Variants in RDX observed in about 807,000 individuals in gnomAD.
RDX encodes the protein radixin, also known as deafness, autosomal recessive 24.
In RDX, 32 loss-of-function variants were observed where a neutral mutation model predicts 83.7. The observed-to-expected ratio is 0.38, with a 90% confidence interval of 0.29 to 0.51. The LOEUF (loss-of-function observed/expected upper bound fraction) is 0.51. Among genes scored for constraint, RDX ranks in the 20% least tolerant of loss-of-function variants. The pLI, the probability that RDX is intolerant of heterozygous loss-of-function variation, is 0.87. For synonymous variants in RDX, 229 were observed against 222.7 expected, an observed-to-expected ratio of 1.03 and a Z score of -0.25; for missense variants, 600 against 689.9, an observed-to-expected ratio of 0.87 and a Z score of 1.46.
chr11:110,220,812 A>G (rs1864218920), intron 14 of RDX, among the ~76,000 whole-genome samples: 1 of 150,174 alleles, frequency 6.7e-6, no homozygotes, highest in Non-Finnish European at 1.5e-5. Context: ...AGATTCTCTT[A>G]ATGCCTGTCA....
chr11:110,252,299 A>C (rs550828625), intron 9 of RDX, among the ~76,000 whole-genome samples: 1 of 152,340 alleles, frequency 6.6e-6, no homozygotes, highest in South Asian at 2.1e-4. Flanking sequence ...AGTAACTAAA[A>C]TATAGCACCA....
downstream of RDX, among the ~76,000 whole-genome samples, chr11:110,224,687 C>T (rs371659772): frequency 2.0e-5 from 3 of 152,170 alleles, 1 homozygote; most frequent in African/African-American, 7.2e-5. Context: ...CAAAAGAGGT[C>T]GGCTGGAAAA....
At chr11:110,182,182 C>CCGG (rs1289506518) in intron 15 of RDX, among the ~76,000 whole-genome samples, 1 of 152,234 alleles carries the variant, frequency 6.6e-6, no homozygotes, top group African/African-American at 2.4e-5. Context: ...AGATTCCTTG[C>CCGG]CGCAGTGCTG....
chr11:110,229,688 TCA>T lies in RDX; in HGVS notation c.*2179_*2180del, dbSNP rs1864550200. On this transcript the variant is annotated 3_prime_UTR_variant, in exon 14 of 14. Transcript: ENST00000645495. ...GCAAATGGTTCTTGTTTAGAAAAAT[TCA>T]CACAGCCTTAAAAATGGATTAAATC... is the stretch of plus-strand genomic sequence containing the variant. The T allele has an allele frequency of 7.9e-5, 12 of 152,502 alleles. No individual in the cohort carries two copies. 9.4% of individuals were successfully genotyped at this position (152,502 alleles called of 1,614,324 possible).
At chr11:110,183,150 A>G (rs1053891332) in intron 15 of RDX, among the ~76,000 whole-genome samples, 2 of 152,154 alleles carry the variant, frequency 1.3e-5, no homozygotes, top group African/African-American at 4.8e-5. Flanking sequence ...ACAGCCACTG[A>G]TGAAGAAATA....
intron 15 of RDX, among the ~76,000 whole-genome samples, chr11:110,176,942 G>T (rs143852991): frequency 8.5e-5 from 13 of 152,254 alleles, no homozygotes; most frequent in Middle Eastern, 3.4e-3. Flanking sequence ...TCGCACAGTC[G>T]GCTGGCCTGC....
At chr11:110,238,626 G>C (rs1864955836) in intron 10 of RDX, among the ~76,000 whole-genome samples, 1 of 152,130 alleles carries the variant, frequency 6.6e-6, no homozygotes, top group Non-Finnish European at 1.5e-5. Flanking sequence ...TTGCAGTTAA[G>C]ACTTGGAAGG....
At chr11:110,275,678 G>A (rs572831706) in intron 2 of RDX, among the ~76,000 whole-genome samples, 25 of 151,378 alleles carry the variant, frequency 1.7e-4, no homozygotes, top group Non-Finnish European at 2.5e-4. Flanking sequence ...ATTGTGGTTC[G>A]TCATTTTACT....
intron 2 of RDX, among the ~76,000 whole-genome samples, chr11:110,276,430 G>A (rs1184729646): frequency 2.0e-5 from 3 of 152,066 alleles, no homozygotes; most frequent in Non-Finnish European, 4.4e-5. Flanking sequence ...GGTAGGGCAA[G>A]TCTCCATTAT....
chr11:110,256,508 C>T (rs535591827), intron 7 of RDX, among the ~76,000 whole-genome samples: 2 of 152,236 alleles, frequency 1.3e-5, no homozygotes, highest in East Asian at 3.9e-4. Flanking sequence ...TGAGGTAAGC[C>T]TGGAAGCTAA....
At chr11:110,211,198 A>T (rs1863823467) in intron 14 of RDX, among the ~76,000 whole-genome samples, 3 of 152,248 alleles carry the variant, frequency 2.0e-5, no homozygotes, top group Non-Finnish European at 4.4e-5. Flanking sequence ...CTAGTCTCTG[A>T]TAAAACAGAC....
intron 3 of RDX, among the ~76,000 whole-genome samples, 187 bp downstream of exon 3, chr11:110,272,349 T>G (rs1454702300): frequency 6.6e-6 from 1 of 152,180 alleles, no homozygotes; most frequent in Admixed American, 6.5e-5. Flanking sequence ...CTCCCACAAA[T>G]GTAGGAATGT....
chr11:110,291,948 C>G (rs1861260859), intron 1 of RDX, among the ~76,000 whole-genome samples: 1 of 152,040 alleles, frequency 6.6e-6, no homozygotes, highest in African/African-American at 2.4e-5. Context: ...TCATTTGAGA[C>G]CAGCCTGGGC....
At chr11:110,200,199 T>C (rs926091220) in intron 14 of RDX, 2 of 155,358 alleles carry the variant, frequency 1.3e-5, no homozygotes, top group African/African-American at 2.4e-5. Flanking sequence ...ATAGTTGCTA[T>C]GTTTTTGAAT....
chr11:110,202,612 T>C (rs1863455906), intron 14 of RDX, among the ~76,000 whole-genome samples: 1 of 150,646 alleles, frequency 6.6e-6, no homozygotes, highest in African/African-American at 2.4e-5. Flanking sequence ...TTTTTTTTTT[T>C]TGGTTGGGGA....
intron 14 of RDX, among the ~76,000 whole-genome samples, chr11:110,205,431 C>CAAAA (rs35103862): frequency 8.5e-5 from 4 of 47,062 alleles, no homozygotes; most frequent in Non-Finnish European, 1.2e-4. Flanking sequence ...TTTACCTATC[C>CAAAA]AAAAAAAAAA....
Position 110,237,531 on chromosome 11 carries a change from T to C in RDX, c.1212A>G (p.Ala404=). The C allele has an allele frequency of 6.2e-7, 1 of 1,613,280 alleles. No homozygotes were observed. Among genetic ancestry groups the C allele is most frequent in the East Asian group, 2.2e-5 (1 of 44,886 alleles). The stretch of plus-strand genomic sequence containing the variant: ...TCTTCATCTGGTCGGCAGCTTGTTT[T>C]GCTATGGCAGACTTTGCCTCTTCAG... ...RAAEEAKSAI[A]KQAADQMKNQ... Residue 404 remains alanine (A), a synonymous_variant, in exon 11 of 14, where the codon GCA becomes GCG. Transcript: ENST00000645495.
intron 1 of RDX, among the ~76,000 whole-genome samples, chr11:110,289,031 A>C (rs1406353949): frequency 6.6e-6 from 1 of 152,132 alleles, no homozygotes; most frequent in Admixed American, 6.6e-5. Context: ...TGAGGTTGGG[A>C]GTTCGAGACC....
At chr11:110,195,835 A>G (rs1360151449) in intron 15 of RDX, 2 of 152,206 alleles carry the variant, frequency 1.3e-5, no homozygotes, top group Non-Finnish European at 2.9e-5. Context: ...GCCTTCCAGC[A>G]TGTTTGGGGG....
Sources: allele counts gnomAD v4.1 joint callset (sites outside exome capture counted in the v4.1 genomes callset), GRCh38; gene constraint gnomAD v4.1.1; transcripts MANE v1.5; gene names NCBI Gene and HGNC (gene_info 2026-07-23, HGNC 2026-07-21).